The following P2RY8 variants were observed in gnomAD, a reference collection of about 807,000 sequenced individuals.
P2RY8 encodes the protein P2Y receptor family member 8.
In P2RY8, 6 loss-of-function variants were observed where a neutral mutation model predicts 10.0. The ratio of observed to expected loss-of-function variants is 0.60; its 90% confidence interval spans 0.33 to 1.19. P2RY8 has a LOEUF of 1.19. P2RY8 is among the 50% of genes most tolerant of loss of function. The pLI is 0.04. For synonymous variants in P2RY8, 276 were observed against 252.5 expected (o/e 1.09, Z -0.88); for missense variants, 456 against 542.0 (o/e 0.84, Z 1.58).
intron 1 of P2RY8, among the ~76,000 whole-genome samples, chrX:1,504,958 C>T (rs2092217081): frequency 6.6e-6 from 1 of 151,984 alleles, no homozygotes; most frequent in Non-Finnish European, 1.5e-5. Context: ...CGGTGAAACC[C>T]TGTCTCTACT....
rs2091673743 is a variant in P2RY8 at position 1,466,193 on chromosome X, G to A, written c.366C>T (p.Phe122=). 1.2e-6 allele frequency: 2 copies of A among 1,612,844 alleles called. No homozygotes were observed. Among genetic ancestry groups the A allele is most frequent in the Non-Finnish European group, 8.5e-7 (1 of 1,179,526 alleles). ...AGCTGAGCGGGTACAGGACCCCCAG[G>A]AAGCGCTCCACGCTGATACAGGTCA... ...LTMTCISVER[F]LGVLYPLSSK... is the part of the protein sequence containing the mutation. Residue 122 remains phenylalanine (F), a synonymous_variant, in exon 2 of 2, where the codon TTC becomes TTT. Coordinates refer to ENST00000381297, the MANE Select transcript of P2RY8 (RefSeq NM_178129.5).
At chrX:1,481,467 T>A (rs1484673804) in intron 1 of P2RY8, among the ~76,000 whole-genome samples, 1 of 152,036 alleles carries the variant, frequency 6.6e-6, no homozygotes, top group Non-Finnish European at 1.5e-5. Flanking sequence ...CCCGGCCAGG[T>A]AGTCACATTT....
At chrX:1,531,795 C>T (rs1237781905) in intron 1 of P2RY8, among the ~76,000 whole-genome samples, 3 of 152,144 alleles carry the variant, frequency 2.0e-5, no homozygotes, top group East Asian at 1.9e-4. Flanking sequence ...CCCGGCTCAG[C>T]GGCATGAAAA....
chrX:1,519,411 T>G (rs184451065), intron 1 of P2RY8, among the ~76,000 whole-genome samples: 35 of 151,918 alleles, frequency 2.3e-4, no homozygotes, highest in African/African-American at 7.5e-4. Flanking sequence ...ATAATCTCCC[T>G]GCTCCCCAAT....
At chrX:1,532,804 A>G (rs1206685767) in intron 1 of P2RY8, among the ~76,000 whole-genome samples, 1 of 151,956 alleles carries the variant, frequency 6.6e-6, no homozygotes, top group African/African-American at 2.4e-5. Flanking sequence ...GTTTGAGACC[A>G]GCCTGGCCAA....
At chrX:1,485,276 T>A (rs2091976424) in intron 1 of P2RY8, among the ~76,000 whole-genome samples, 1 of 152,086 alleles carries the variant, frequency 6.6e-6, no homozygotes. Flanking sequence ...TAGCTGGAAC[T>A]ACAGGTGTGC....
intron 1 of P2RY8, among the ~76,000 whole-genome samples, chrX:1,502,195 G>A (rs1332505352): frequency 6.6e-6 from 1 of 152,086 alleles, no homozygotes; most frequent in Non-Finnish European, 1.5e-5. Context: ...ACAGACGTGA[G>A]CCACCACGCC....
chrX:1,471,771 C>T (rs2091790277), intron 1 of P2RY8, among the ~76,000 whole-genome samples: 2 of 152,134 alleles, frequency 1.3e-5, no homozygotes, highest in South Asian at 2.1e-4. Context: ...GGCATCTCCT[C>T]GTGGGCAGCA....
At chrX:1,520,415 G>A (rs753626142) in intron 1 of P2RY8, among the ~76,000 whole-genome samples, 5 of 147,918 alleles carry the variant, frequency 3.4e-5, no homozygotes, top group East Asian at 2.0e-4. Flanking sequence ...TCATCTCCTC[G>A]GTCTCTAATA....
Position 1,465,350 on chromosome X carries a change from C to G in P2RY8, c.*129G>C. On this transcript the variant is annotated 3_prime_UTR_variant, in exon 2 of 2. Coordinates refer to ENST00000381297, the MANE Select transcript of P2RY8 (RefSeq NM_178129.5). ...GAGGAATAAAGCCTGGAGACCCTTCCCCACCGGGCCTCTGCAGTGCCTGGG... is the reference window on the plus strand; with the variant it reads ...GAGGAATAAAGCCTGGAGACCCTTCGCCACCGGGCCTCTGCAGTGCCTGGG... 7.0e-7 allele frequency: 1 copy of G among 1,437,442 alleles called. No individual in the cohort carries two copies. The highest frequency in any genetic ancestry group is 1.4e-5 in the African/African-American group (1 of 70,476). 89.0% of individuals were successfully genotyped at this position (1,437,442 alleles called of 1,614,324 possible). A position where few individuals can be genotyped will look rare whatever the true frequency, so the allele number is the denominator to read the frequency against.
intron 1 of P2RY8, among the ~76,000 whole-genome samples, chrX:1,498,418 A>AG (rs1426961590): frequency 1.3e-5 from 2 of 151,306 alleles, no homozygotes; most frequent in East Asian, 3.9e-4. Flanking sequence ...AAAAAAAAAA[A>AG]AAAAAGAAAA....
chrX:1,497,106 C>A (rs1196603575), intron 1 of P2RY8, among the ~76,000 whole-genome samples: 5 of 149,706 alleles, frequency 3.3e-5, no homozygotes, highest in Non-Finnish European at 4.4e-5. Flanking sequence ...CCTGTAATCC[C>A]AGCTATTCAG....
intron 1 of P2RY8, among the ~76,000 whole-genome samples, chrX:1,521,426 C>T (rs2092390834): frequency 6.6e-6 from 1 of 152,152 alleles, no homozygotes; most frequent in Non-Finnish European, 1.5e-5. Flanking sequence ...TCCATCACCC[C>T]TCTCTTATGG....
intron 1 of P2RY8, among the ~76,000 whole-genome samples, chrX:1,488,911 C>G (rs1410217330): frequency 6.6e-6 from 1 of 151,818 alleles, no homozygotes; most frequent in Non-Finnish European, 1.5e-5. Flanking sequence ...TGAATGATAC[C>G]CAGGGTTCAC....
intron 1 of P2RY8, among the ~76,000 whole-genome samples, chrX:1,535,886 T>A (rs1197933716): frequency 6.6e-6 from 1 of 152,172 alleles, no homozygotes; most frequent in African/African-American, 2.4e-5. Flanking sequence ...TTTTCTCAGC[T>A]TTTTAGGGGA....
At chrX:1,512,654 G>A (rs2092307621) in intron 1 of P2RY8, among the ~76,000 whole-genome samples, 1 of 151,902 alleles carries the variant, frequency 6.6e-6, no homozygotes, top group Admixed American at 6.6e-5. Flanking sequence ...CGCAATCATG[G>A]CGGAAGGCAA....
At chrX:1,493,038 C>T (rs1304653245) in intron 1 of P2RY8, among the ~76,000 whole-genome samples, 4 of 151,420 alleles carry the variant, frequency 2.6e-5, no homozygotes, top group Non-Finnish European at 5.9e-5. Flanking sequence ...TCAGGCCAGG[C>T]GCACTTTGGG....
intron 1 of P2RY8, among the ~76,000 whole-genome samples, chrX:1,495,624 A>G (rs1180307057): frequency 1.4e-5 from 2 of 143,020 alleles, no homozygotes; most frequent in East Asian, 2.0e-4. Context: ...ATTCTGGGAT[A>G]GTCGTTCGAA....
chrX:1,533,676 TA>T (rs2092499686), intron 1 of P2RY8, among the ~76,000 whole-genome samples: 1 of 127,032 alleles, frequency 7.9e-6, no homozygotes, highest in African/African-American at 3.1e-5. Flanking sequence ...AAATATATTT[TA>T]TATTTATATA....
Sources: allele counts gnomAD v4.1 joint callset (sites outside exome capture counted in the v4.1 genomes callset), GRCh38; gene constraint gnomAD v4.1.1; transcripts MANE v1.5; gene names NCBI Gene and HGNC (gene_info 2026-07-23, HGNC 2026-07-21).